TPRG1: variants seen among roughly 807,000 people sequenced by gnomAD.
TPRG1 encodes the protein tumor protein p63-regulated gene 1 protein.
Under a neutral mutation model 29.3 loss-of-function variants are expected in TPRG1, and 29 were observed. The observed-to-expected ratio is 0.99, with a 90% confidence interval of 0.74 to 1.35. The LOEUF is 1.35. Among genes scored for constraint, TPRG1 ranks in the 40% most tolerant of loss-of-function variants. The pLI is 0.00. For synonymous variants in TPRG1, 130 were observed against 116.8 expected, an observed-to-expected ratio of 1.11 and a Z score of -0.73; for missense variants, 327 against 335.0, an observed-to-expected ratio of 0.98 and a Z score of 0.19.
At chr3:189,095,629 T>TA (rs144508608), upstream of TPRG1, among the ~76,000 whole-genome samples, 1,903 of 152,342 alleles carry the variant, frequency 0.012, 41 homozygotes, top group African/African-American at 0.041. Flanking sequence ...GTACTTAGGT[T>TA]AGCACTGAAC....
At chr3:189,251,799 G>A (rs1330558632) in intron 4 of TPRG1, among the ~76,000 whole-genome samples, 2 of 152,152 alleles carry the variant, frequency 1.3e-5, no homozygotes, top group Non-Finnish European at 2.9e-5. Context: ...CATACAATCG[G>A]GTTTTATACC....
At chr3:189,032,157 C>T (rs192671907) in intron 4 of TPRG1, among the ~76,000 whole-genome samples, 16 of 152,144 alleles carry the variant, frequency 1.1e-4, no homozygotes, top group East Asian at 7.7e-4. Flanking sequence ...TTTGAGTGGG[C>T]GCCATGTAAT....
chr3:189,227,927 G>T (rs1163370447), intron 3 of TPRG1, among the ~76,000 whole-genome samples: 1 of 152,162 alleles, frequency 6.6e-6, no homozygotes. Flanking sequence ...TTCGCGACCA[G>T]CCTGGACAAC....
chr3:189,067,478 A>T (rs1342505790), intron 4 of TPRG1, among the ~76,000 whole-genome samples: 1 of 152,222 alleles, frequency 6.6e-6, no homozygotes, highest in Non-Finnish European at 1.5e-5. Flanking sequence ...AGAAACATAG[A>T]TCAATGGAAC....
intron 4 of TPRG1, among the ~76,000 whole-genome samples, chr3:189,284,969 C>T (rs1247255551): frequency 6.6e-6 from 1 of 152,114 alleles, no homozygotes; most frequent in African/African-American, 2.4e-5. Context: ...AGCTTCTGCA[C>T]AGCAAAAGAA....
chr3:189,204,051 A>C (rs1264967381), intron 1 of TPRG1, among the ~76,000 whole-genome samples: 1 of 151,786 alleles, frequency 6.6e-6, no homozygotes, highest in Admixed American at 6.6e-5. Context: ...AAAAAAAAAA[A>C]AAAAAAAAAA....
intron 3 of TPRG1, among the ~76,000 whole-genome samples, chr3:189,233,428 G>C (rs1379979178): frequency 6.6e-6 from 1 of 152,086 alleles, no homozygotes; most frequent in Non-Finnish European, 1.5e-5. Flanking sequence ...GTTGCCTGTT[G>C]CCCTCTGCTG....
chr3:189,034,170 G>C (rs984520068), intron 4 of TPRG1, among the ~76,000 whole-genome samples: 2 of 152,146 alleles, frequency 1.3e-5, no homozygotes, highest in Non-Finnish European at 2.9e-5. Context: ...GGGACAAATA[G>C]AAGTTTTGTA....
At chr3:189,078,731 T>A (rs1388754976) in intron 4 of TPRG1, among the ~76,000 whole-genome samples, 6 of 152,234 alleles carry the variant, frequency 3.9e-5, no homozygotes, top group Non-Finnish European at 7.3e-5. Flanking sequence ...GGCAGACTTA[T>A]GTTTAAATAC....
intron 4 of TPRG1, among the ~76,000 whole-genome samples, chr3:189,272,713 C>CCTTCCT (rs1553935880): frequency 1.5e-5 from 2 of 132,412 alleles, no homozygotes; most frequent in Non-Finnish European, 3.2e-5. Context: ...TTCTTTCTTT[C>CCTTCCT]TCCTTCCTTC....
chr3:189,020,670 A>T lies in TPRG1; in HGVS notation c.-659-3080A>T, dbSNP rs1456133563. On this transcript the variant is annotated intron_variant, in intron 3 of 10. Coordinates refer to the TPRG1 transcript ENST00000433971. ...TTCCAAGTATGTGGTCAATTTTGGAATAGGTGTGGTGTGGTGCTGAAAAAA... is the reference window on the plus strand; with the variant it reads ...TTCCAAGTATGTGGTCAATTTTGGATTAGGTGTGGTGTGGTGCTGAAAAAA... Among the ~76,000 whole-genome samples, 44 of 139,804 alleles carry T rather than the reference A, an allele frequency of 3.1e-4. 1 individual carries two copies. Among genetic ancestry groups the T allele is most frequent in the South Asian group, 2.6e-4 (1 of 3,884 alleles). The allele number at this position is 139,804 out of a possible 152,430, so 91.7% of individuals were successfully genotyped here. A position where few individuals can be genotyped will look rare whatever the true frequency, so the allele number is the denominator to read the frequency against.
intron 1 of TPRG1, among the ~76,000 whole-genome samples, chr3:189,112,763 G>A (rs1189498595): frequency 1.3e-5 from 2 of 152,158 alleles, no homozygotes; most frequent in African/African-American, 4.8e-5. Context: ...GTACCATGCT[G>A]TTTTGGTTAC....
In TPRG1 at chr3:189,145,260, G is replaced by C. The variant is rs557377979; in HGVS notation, c.-290-2324G>C. ...GCCTGTAATCCCAGCTACTCAGGAG[G>C]CTGAGGCAGGAGAATCATTTGAACC... is the stretch of plus-strand genomic sequence containing the variant. On this transcript the variant is annotated intron_variant, in intron 3 of 6. Coordinates refer to the TPRG1 transcript ENST00000412373. Among the ~76,000 whole-genome samples, 21 of 150,946 alleles carry C rather than the reference G, an allele frequency of 1.4e-4. No individual in the cohort carries two copies. The East Asian group carries it at 4.1e-3, about 30-fold the overall frequency.
At chr3:189,287,522 C>T (rs375430271) in intron 4 of TPRG1, among the ~76,000 whole-genome samples, 52 of 148,680 alleles carry the variant, frequency 3.5e-4, no homozygotes, top group South Asian at 6.4e-4. Context: ...CTCAGCCTCC[C>T]GAGTAGCTGG....
At chr3:189,283,868 C>A (rs1301838635) in intron 4 of TPRG1, among the ~76,000 whole-genome samples, 1 of 152,188 alleles carries the variant, frequency 6.6e-6, no homozygotes, top group Non-Finnish European at 1.5e-5. Flanking sequence ...AGAGTCCAAA[C>A]CTGAGTCTTG....
chr3:189,135,162 C>G (rs772472630), intron 3 of TPRG1, among the ~76,000 whole-genome samples: 1 of 152,206 alleles, frequency 6.6e-6, no homozygotes, highest in African/African-American at 2.4e-5. Flanking sequence ...GCCATCTACA[C>G]TCTTCAGCAT....
chr3:189,254,879 T>C (rs1311495933), intron 4 of TPRG1, among the ~76,000 whole-genome samples: 1 of 152,244 alleles, frequency 6.6e-6, no homozygotes, highest in Non-Finnish European at 1.5e-5. Flanking sequence ...TTTTGTATCC[T>C]GAGACTTTGC....
chr3:189,268,349 C>T (rs1002568843), intron 4 of TPRG1, among the ~76,000 whole-genome samples: 7 of 152,134 alleles, frequency 4.6e-5, no homozygotes, highest in African/African-American at 9.7e-5. Flanking sequence ...GGCAAATCTC[C>T]GTGGGGAGGC....
intron 3 of TPRG1, among the ~76,000 whole-genome samples, chr3:189,022,208 G>T (rs149194225): frequency 0.042 from 6,403 of 151,964 alleles, 455 homozygotes; most frequent in African/African-American, 0.15. Context: ...TAATTTGATC[G>T]TCTGAAGTCT....
Sources: gnomAD v4.1 joint callset for allele counts (sites outside exome capture counted in the v4.1 genomes callset) on GRCh38, gnomAD v4.1.1 for gene constraint, MANE v1.5 for transcripts, NCBI Gene and HGNC (gene_info 2026-07-23, HGNC 2026-07-21) for gene names.